Variants in CNOT4 observed in about 807,000 individuals in gnomAD.
CNOT4 encodes the protein CCR4-associated factor 4.
A neutral mutation model predicts 73.8 loss-of-function variants in CNOT4; 8 were observed. The observed-to-expected ratio is 0.11, with a 90% CI of 0.06 to 0.20. The LOEUF is 0.20. CNOT4 is among the 10% of genes least tolerant of loss of function. CNOT4 has a pLI of 1.00. For synonymous variants in CNOT4, 293 were observed against 321.1 expected (o/e 0.91, Z 0.94); for missense variants, 564 against 883.4 (o/e 0.64, Z 4.58).
At chr7:135,428,944 G>A (rs563590243) in intron 2 of CNOT4, among the ~76,000 whole-genome samples, 2 of 152,174 alleles carry the variant, frequency 1.3e-5, no homozygotes, top group African/African-American at 4.8e-5. Context: ...CACTGCTCTT[G>A]TATTTAACAT....
intron 10 of CNOT4, among the ~76,000 whole-genome samples, chr7:135,391,970 T>C (rs549238966): frequency 9.9e-5 from 15 of 152,238 alleles, no homozygotes; most frequent in Non-Finnish European, 1.6e-4. Context: ...TCATCCATTA[T>C]ATCTATACAA....
chr7:135,387,160 A>G (rs1382970506), intron 10 of CNOT4: 4 of 979,816 alleles, frequency 4.1e-6, no homozygotes, highest in East Asian at 2.3e-4. Flanking sequence ...TACAATATTA[A>G]TAAGTCTACA....
At chr7:135,416,036 G>A (rs889126045) in intron 3 of CNOT4, among the ~76,000 whole-genome samples, 16 of 151,928 alleles carry the variant, frequency 1.1e-4, no homozygotes, top group Middle Eastern at 3.4e-3. Context: ...TAATTTGACC[G>A]GTATGTAACT....
In CNOT4 at chr7:135,363,607, T is replaced by A. The variant is rs1303034763; in HGVS notation, c.1840+247A>T. ...CTTTGAGGCCTACAAAATACACATG[T>A]TGCCAGATGTTAACACCTACTTAAA... On this transcript the variant is annotated intron_variant, in intron 11 of 11. Transcript: ENST00000541284. The surrounding 1 kb of genome is among the most constrained non-coding windows in gnomAD (Gnocchi z 4.3). Among the ~76,000 whole-genome samples the A allele has an allele frequency of 6.6e-6, 1 of 152,240 alleles. No individual in the cohort carries two copies. The highest frequency in any genetic ancestry group is 1.9e-4 in the East Asian group (1 of 5,206).
chr7:135,392,582 CAAGT>C (rs1297881102), intron 10 of CNOT4, among the ~76,000 whole-genome samples: 1 of 152,068 alleles, frequency 6.6e-6, no homozygotes, highest in African/African-American at 2.4e-5. Context: ...CATTGTTTCA[CAAGT>C]AAGTATCATG....
At chr7:135,419,870 C>T (rs1455399440) in intron 3 of CNOT4, among the ~76,000 whole-genome samples, 1 of 151,260 alleles carries the variant, frequency 6.6e-6, no homozygotes, top group Non-Finnish European at 1.5e-5. Flanking sequence ...TGGTGAAACC[C>T]CATCTCCACT....
At chr7:135,428,669 A>G (rs954758967) in intron 2 of CNOT4, among the ~76,000 whole-genome samples, 2 of 152,208 alleles carry the variant, frequency 1.3e-5, no homozygotes, top group African/African-American at 2.4e-5. Context: ...GGTATGAAGG[A>G]GAAAGAACAT....
chr7:135,423,031 A>G (rs1267581752), intron 2 of CNOT4, among the ~76,000 whole-genome samples: 4 of 152,216 alleles, frequency 2.6e-5, no homozygotes, highest in Non-Finnish European at 5.9e-5. Context: ...TTTCTACCTC[A>G]GTCGTCTCAT....
chr7:135,390,300 T>C (rs1007102370), intron 10 of CNOT4, among the ~76,000 whole-genome samples: 1 of 152,180 alleles, frequency 6.6e-6, no homozygotes, highest in African/African-American at 2.4e-5. Flanking sequence ...CCACTACTAA[T>C]TGAATATGTG....
At chr7:135,393,782 T>G in intron 10 of CNOT4, 136 bp downstream of exon 10, 1 of 629,940 alleles carries the variant, frequency 1.6e-6, no homozygotes, top group Non-Finnish European at 2.8e-6. Context: ...ATATTTTAGA[T>G]TATGATAAAG....
intron 1 of CNOT4, among the ~76,000 whole-genome samples, chr7:135,488,671 G>GT: frequency 6.6e-6 from 1 of 152,236 alleles, no homozygotes; most frequent in South Asian, 2.1e-4. Flanking sequence ...TTCCTCGTAT[G>GT]TAACTTTTTC....
chr7:135,394,070 G>A lies in CNOT4; in HGVS notation c.1475C>T (p.Pro492Leu), dbSNP rs1796545446. Residue 492 changes from proline (P) to leucine (L), a missense_variant, in exon 10 of 12, where the codon CCA becomes CTA. Transcript: ENST00000541284. ...CCAAGGATAGCGGGCTGCCTGGCCT[G>A]GAAAACTGAATGAATTATAAACCGC... is the stretch of plus-strand genomic sequence containing the variant. Reference protein sequence around the residue: ...HRAVYNSFSFPGQAARYPWMA... With the variant: ...HRAVYNSFSFLGQAARYPWMA... 2.5e-6 allele frequency: 4 copies of A among 1,614,180 alleles called. No homozygotes were observed. The East Asian group carries it at 8.9e-5, about 36-fold the overall frequency.
In CNOT4 at chr7:135,438,311, C is replaced by T. The variant is rs763414995; in HGVS notation, c.21G>A (p.Ala7=). The part of the protein sequence containing the change: MSRSPD[A]KEDPVECPLC... ...GAGGGCACTCCACAGGGTCTTCCTTCGCATCAGGACTGCGAGACATCTTCA... is the reference window on the plus strand; with the variant it reads ...GAGGGCACTCCACAGGGTCTTCCTTTGCATCAGGACTGCGAGACATCTTCA... Residue 7 remains alanine (A), a synonymous_variant, in exon 2 of 12, where the codon GCG becomes GCA. Transcript: ENST00000541284. 63 of 1,608,734 alleles carry T rather than the reference C, an allele frequency of 3.9e-5. No individual in the cohort carries two copies. In the Admixed American group the frequency reaches 4.1e-4, roughly 10 times the overall value.
At chr7:135,441,139 A>C (rs2129485470) in intron 1 of CNOT4, among the ~76,000 whole-genome samples, 1 of 152,284 alleles carries the variant, frequency 6.6e-6, no homozygotes, top group African/African-American at 2.4e-5. Context: ...AAACACATGG[A>C]CGTTTAGACA....
At chr7:135,383,627 G>C (rs1413532734) in intron 10 of CNOT4, among the ~76,000 whole-genome samples, 4 of 152,220 alleles carry the variant, frequency 2.6e-5, no homozygotes, top group African/African-American at 9.6e-5. Flanking sequence ...GACTGGAGGA[G>C]AGAGTATATA....
At position 135,363,710 on chromosome 7, in the gene CNOT4, G is replaced by A; in HGVS notation, c.1840+144C>T. On this transcript the variant is annotated intron_variant, in intron 11 of 11. Transcript: ENST00000541284. The surrounding 1 kb of genome is among the most constrained non-coding windows in gnomAD (Gnocchi z 4.3). ...CCGACAGGTTAAATGAGACTTGCAT[G>A]ACCCCTGAGAACGAAACAAGCCACT... 1 of 634,966 alleles carries A rather than the reference G, an allele frequency of 1.6e-6. No homozygotes were observed. Among genetic ancestry groups the A allele is most frequent in the Non-Finnish European group, 2.7e-6 (1 of 376,504 alleles). 39.3% of individuals were successfully genotyped at this position (634,966 alleles called of 1,614,324 possible). A position where few individuals can be genotyped will look rare whatever the true frequency, so the allele number is the denominator to read the frequency against.
At chr7:135,378,120 T>G (rs1350949056) in intron 10 of CNOT4, among the ~76,000 whole-genome samples, 2 of 152,216 alleles carry the variant, frequency 1.3e-5, no homozygotes, top group Non-Finnish European at 2.9e-5. Flanking sequence ...AAATCTTTAT[T>G]GATTCAAAAT....
intron 8 of CNOT4, 112 bp downstream of exon 8, chr7:135,398,057 A>G (rs1036618159): frequency 1.2e-5 from 8 of 691,322 alleles, no homozygotes; most frequent in South Asian, 3.2e-5. Context: ...ATGAGCATCA[A>G]AAGTGTTTTT....
chr7:135,385,493 T>C (rs1585564307), intron 10 of CNOT4, among the ~76,000 whole-genome samples: 2 of 152,298 alleles, frequency 1.3e-5, no homozygotes, highest in Non-Finnish European at 2.9e-5. Context: ...TCAGTGGAAA[T>C]GTGCAGAGGT....
Sources: allele counts gnomAD v4.1 joint callset (sites outside exome capture counted in the v4.1 genomes callset), GRCh38; gene constraint gnomAD v4.1.1; non-coding constraint Gnocchi (gnomAD v3.1); transcripts MANE v1.5; gene names NCBI Gene and HGNC (gene_info 2026-07-23, HGNC 2026-07-21).